DNAJC13: variants seen among roughly 807,000 people sequenced by gnomAD.
DNAJC13 encodes the protein DnaJ heat shock protein family (Hsp40) member C13, also known as dnaJ homolog subfamily C member 13.
A neutral mutation model predicts 290.5 loss-of-function variants in DNAJC13; 75 were observed. The ratio of observed to expected loss-of-function variants is 0.26; its 90% confidence interval spans 0.21 to 0.31. The LOEUF is 0.31. DNAJC13 is among the 10% of genes least tolerant of loss of function. The pLI, the probability that DNAJC13 is intolerant of heterozygous loss-of-function variation, is 1.00. For missense variants in DNAJC13, 2,260 were observed against 2,674.5 expected, an observed-to-expected ratio of 0.85 and a Z score of 3.42; for synonymous variants, 862 against 892.0, an observed-to-expected ratio of 0.97 and a Z score of 0.60.
chr3:132,507,445 A>C, intron 43 of DNAJC13, 92 bp downstream of exon 43: 1 of 746,736 alleles, frequency 1.3e-6, no homozygotes, highest in African/African-American at 1.8e-5. Context: ...GGCACACTTC[A>C]TTTTATTGCA....
At chr3:132,468,745 C>T (rs1427097386) in intron 20 of DNAJC13, among the ~76,000 whole-genome samples, 1 of 152,050 alleles carries the variant, frequency 6.6e-6, no homozygotes, top group Non-Finnish European at 1.5e-5. Context: ...CAGGATAATA[C>T]TGGTATAGCA....
Position 132,434,557 on chromosome 3 carries a change from A to G in DNAJC13, c.7A>G (p.Ile3Val). 1 of 1,612,142 alleles carries G rather than the reference A, an allele frequency of 6.2e-7. No homozygotes were observed. The highest frequency in any genetic ancestry group is 8.5e-7 in the Non-Finnish European group (1 of 1,179,056). Residue 3 changes from isoleucine to valine, a missense_variant, in exon 2 of 56, where the codon ATA becomes GTA. By Grantham distance (29) the Ile-to-Val change is conservative. This residue lies in a region of DNAJC13 where 762 missense variants were observed against 964.1 expected (regional missense o/e 0.79). Transcript: ENST00000260818. ...TTCCAGGTTTGAGCACAAAATGAAC[A>G]TAATTAGGGAAAATAAGGATCTGGC... MNIIRENKDLACF... is the reference protein window; with the variant it reads MNVIRENKDLACF...
In DNAJC13 at chr3:132,511,253, C is replaced by A; in HGVS notation, c.5293+9C>A. On this transcript the variant is annotated intron_variant, in intron 44 of 55. Transcript: ENST00000260818. The stretch of plus-strand genomic sequence containing the variant: ...CATAAAATACAATCCAGGTATGTGA[C>A]TACACCTTTGATCAATAAGACTCGT... 6.2e-7 allele frequency: 1 copy of A among 1,613,236 alleles called. No homozygotes were observed. Among genetic ancestry groups the A allele is most frequent in the East Asian group, 2.2e-5 (1 of 44,858 alleles).
chr3:132,485,095 G>A (rs9844938), intron 29 of DNAJC13, among the ~76,000 whole-genome samples: 93,365 of 151,790 alleles, frequency 0.62, 31,515 homozygotes, highest in East Asian at 0.9. Flanking sequence ...AAAAGAAAAG[G>A]AAAAGGCCTG....
In DNAJC13 at chr3:132,503,363, T is replaced by A; in HGVS notation, c.4866T>A (p.Ala1622=). 1.2e-6 allele frequency: 2 copies of A among 1,614,056 alleles called. No individual in the cohort carries two copies. The highest frequency in any genetic ancestry group is 4.5e-5 in the East Asian group (2 of 44,880). The change falls in exon 41 of 56, where the codon GCT becomes GCA. Residue 1622 remains alanine, a synonymous_variant. Transcript: ENST00000260818. ...MLTPYVARKL[A]VASVTEILKM... is the part of the protein sequence containing the mutation. ...CACCCTATGTTGCTAGAAAACTTGCTGTGGCTAGTGTGACTGAGGTATGTG... is the reference window on the plus strand; with the variant it reads ...CACCCTATGTTGCTAGAAAACTTGCAGTGGCTAGTGTGACTGAGGTATGTG...
chr3:132,447,455 T>G lies in DNAJC13; in HGVS notation c.279T>G (p.Leu93=). 6.3e-7 allele frequency: 1 copy of G among 1,577,046 alleles called. No homozygotes were observed. The highest frequency in any genetic ancestry group is 8.6e-7 in the Non-Finnish European group (1 of 1,168,980). Residue 93 remains leucine, a synonymous_variant, in exon 4 of 56, where the codon CTT becomes CTG. Transcript: ENST00000260818. Reference sequence around the variant, plus strand: ...TTTCTACAGAGCACAGAACAGAACTTCTTACAGAAGCATTGGTAAGAAGAT... The same window carrying G: ...TTTCTACAGAGCACAGAACAGAACTGCTTACAGAAGCATTGGTAAGAAGAT... ...LKFSTEHRTE[L]LTEALRFRTD...
intron 33 of DNAJC13, among the ~76,000 whole-genome samples, chr3:132,493,226 A>T (rs1935120777): frequency 6.6e-6 from 1 of 151,284 alleles, no homozygotes; most frequent in Non-Finnish European, 1.5e-5. Flanking sequence ...TGCCCTTGGG[A>T]CCCCCCTAAC....
chr3:132,472,537 C>G (rs1934317637), intron 20 of DNAJC13: 7 of 984,512 alleles, frequency 7.1e-6, no homozygotes, highest in Non-Finnish European at 8.4e-6. Context: ...ACTTTTTTTC[C>G]TTTTTACGAT....
intron 50 of DNAJC13, 104 bp downstream of exon 50, chr3:132,523,303 ACT>A: frequency 7.3e-7 from 1 of 1,361,200 alleles, no homozygotes; most frequent in Non-Finnish European, 1.0e-6. Flanking sequence ...TGTCATCAAG[ACT>A]CTTGGGTATT....
chr3:132,447,147 G>C (rs1238332462), intron 3 of DNAJC13, among the ~76,000 whole-genome samples, 174 bp from the exon 4 acceptor site: 1 of 151,912 alleles, frequency 6.6e-6, no homozygotes, highest in Non-Finnish European at 1.5e-5. Context: ...GGATTTTTCT[G>C]ACTAAAAACC....
At chr3:132,496,457 C>A in intron 35 of DNAJC13, 71 bp from the exon 36 acceptor site, 3 of 1,346,010 alleles carry the variant, frequency 2.2e-6, no homozygotes, top group Non-Finnish European at 3.0e-6. Context: ...AAAATGCAAA[C>A]CATATGTCTT....
intron 33 of DNAJC13, among the ~76,000 whole-genome samples, chr3:132,492,884 A>T (rs1468262993): frequency 6.6e-6 from 1 of 151,702 alleles, no homozygotes; most frequent in African/African-American, 2.4e-5. Context: ...TAACATAATT[A>T]TATATATATA....
At chr3:132,438,278 T>C (rs1288300862) in intron 2 of DNAJC13, among the ~76,000 whole-genome samples, 5 of 152,232 alleles carry the variant, frequency 3.3e-5, no homozygotes, top group African/African-American at 9.6e-5. Flanking sequence ...TTCCAGATGG[T>C]GATAGTTATC....
At chr3:132,460,079 A>G (rs1933739238) in intron 13 of DNAJC13, among the ~76,000 whole-genome samples, 171 bp from the exon 14 acceptor site, 1 of 152,148 alleles carries the variant, frequency 6.6e-6, no homozygotes. Flanking sequence ...ATCATGGTAA[A>G]TCGTCACTTC....
In DNAJC13 at chr3:132,496,568, G is replaced by T. The variant is rs946383507; in HGVS notation, c.4061G>T (p.Cys1354Phe). The part of the protein sequence containing the change: ...EKVNKAYEFL[C>F]TKSAKIVDGP... ...GTAAATAAAGCATATGAATTTTTAT[G>T]TACCAAATCAGCAAAAATAGTGGAT... Residue 1354 changes from cysteine to phenylalanine, a missense_variant, in exon 36 of 56, where the codon TGT (cysteine) becomes TTT (phenylalanine). Physicochemically the swap from Cys to Phe is radical, Grantham distance 205 (BLOSUM62 -2). This residue lies in a region of DNAJC13 where 1,494 missense variants were observed against 1,693.7 expected (regional missense o/e 0.88). Transcript: ENST00000260818. 6.2e-7 allele frequency: 1 copy of T among 1,605,198 alleles called. No individual in the cohort carries two copies. Among genetic ancestry groups the T allele is most frequent in the African/African-American group, 1.3e-5 (1 of 74,632 alleles).
Position 132,446,190 on chromosome 3 carries a change from C to G in DNAJC13, c.69-285C>G, listed in dbSNP as rs183510902. Among the ~76,000 whole-genome samples the G allele has an allele frequency of 1.8e-3, 271 of 151,878 alleles. 2 individuals are homozygous for G. The highest frequency in any genetic ancestry group is 6.3e-3 in the African/African-American group (262 of 41,448). On this transcript the variant is annotated intron_variant, in intron 2 of 55. Transcript: ENST00000260818. ...TTCAGCATCCTCAGCTGATGCTTTG[C>G]CAACTTAATTTATACTAACATCACA...
intron 55 of DNAJC13, among the ~76,000 whole-genome samples, chr3:132,532,290 T>A (rs988461095): frequency 1.1e-4 from 16 of 152,230 alleles, no homozygotes; most frequent in Non-Finnish European, 2.1e-4. Flanking sequence ...TCTTGAATAT[T>A]CAAAATTAGA....
At chr3:132,473,630 C>G (rs62292945) in intron 21 of DNAJC13, among the ~76,000 whole-genome samples, 14,050 of 151,844 alleles carry the variant, frequency 0.093, 806 homozygotes, top group South Asian at 0.14. Flanking sequence ...ATGTGGTAAC[C>G]TCTTCCCTCT....
intron 1 of DNAJC13, among the ~76,000 whole-genome samples, chr3:132,434,218 A>C (rs974525746): frequency 6.7e-6 from 1 of 149,792 alleles, no homozygotes; most frequent in African/African-American, 2.5e-5. Flanking sequence ...TCAAAAAAAA[A>C]AAACAAAAAA....
Sources: gnomAD v4.1 joint callset for allele counts (sites outside exome capture counted in the v4.1 genomes callset) on GRCh38, gnomAD v4.1.1 for gene constraint, gnomAD v4.1.1 regional missense constraint, MANE v1.5 for transcripts, NCBI Gene and HGNC (gene_info 2026-07-23, HGNC 2026-07-21) for gene names.